The following PCDHGB2 variants were observed in gnomAD, a reference collection of about 807,000 sequenced individuals.
PCDHGB2 encodes the protein protocadherin gamma subfamily B, 2.
A neutral mutation model predicts 59.3 loss-of-function variants in PCDHGB2; 55 were observed. The observed-to-expected ratio is 0.93, with a 90% confidence interval of 0.75 to 1.16. The LOEUF (loss-of-function observed/expected upper bound fraction) is 1.16, where lower values mean the gene tolerates loss of function less well. Among genes scored for constraint, PCDHGB2 ranks in the 50% most tolerant of loss-of-function variants. PCDHGB2 has a pLI of 0.00. For missense variants in PCDHGB2, 1,228 were observed against 1,198.5 expected (o/e 1.02, Z -0.36); for synonymous variants, 516 against 512.0 (o/e 1.01, Z -0.11).
rs1436956912 is a variant in PCDHGB2, at chr5:141,438,609, TATATATATATATATATATATATATATAC to T, written c.2422-56196_2422-56169del. Reference sequence around the variant, plus strand: ...ATACATACATATATATATATATATATATATATATATATATATATATATATATACACACACACACACACATATATGTATA... The same window carrying T: ...ATACATACATATATATATATATATATACACACACACACACATATATGTATA... On this transcript the variant is annotated intron_variant, in intron 1 of 3. Coordinates refer to ENST00000522605, the MANE Select transcript of PCDHGB2 (RefSeq NM_018923.3). Among the ~76,000 whole-genome samples the T allele has an allele frequency of 2.2e-3, 92 of 41,082 alleles. 2 individuals are homozygous for T. Among genetic ancestry groups the T allele is most frequent in the East Asian group, 7.4e-3 (6 of 810 alleles). The allele number at this position is 41,082 out of a possible 152,430, so 27.0% of individuals were successfully genotyped here.
chr5:141,383,761 C>G (rs923900490), intron 1 of PCDHGB2: 15 of 1,613,834 alleles, frequency 9.3e-6, no homozygotes, highest in Non-Finnish European at 1.1e-5. Flanking sequence ...AACTCCTAAA[C>G]TTCCAAAGAT....
intron 1 of PCDHGB2, among the ~76,000 whole-genome samples, chr5:141,363,376 T>C (rs1762901403): frequency 6.6e-6 from 1 of 152,228 alleles, no homozygotes; most frequent in Admixed American, 6.5e-5. Context: ...TCAAGAGGTT[T>C]TTCTATTTCT....
In PCDHGB2 at chr5:141,486,030, C is replaced by T. The variant is rs2099623234; in HGVS notation, c.2422-8777C>T. 2 of 1,614,046 alleles carry T rather than the reference C, an allele frequency of 1.2e-6. No homozygotes were observed. Among genetic ancestry groups the T allele is most frequent in the African/African-American group, 1.3e-5 (1 of 74,918 alleles). On this transcript the variant is annotated intron_variant, in intron 1 of 3. Coordinates refer to ENST00000522605, the MANE Select transcript of PCDHGB2 (RefSeq NM_018923.3). This position sits in a 1 kb window ranked among gnomAD's most constrained non-coding sequence, Gnocchi z 5.0. ...ACCTTTTATTTCAGTGGTCATACCC[C>T]TGATCGTGTAAGAAACCTCTTTAGC...
At chr5:141,371,684 A>T (rs756152313) in intron 1 of PCDHGB2, 3 of 1,614,050 alleles carry the variant, frequency 1.9e-6, no homozygotes, top group Non-Finnish European at 1.7e-6. Flanking sequence ...AAGGCAATCC[A>T]CCGCTCTCCT....
chr5:141,409,338 A>C, intron 1 of PCDHGB2: 5 of 1,614,002 alleles, frequency 3.1e-6, no homozygotes, highest in Non-Finnish European at 4.2e-6. Flanking sequence ...TTCGGAGGAA[A>C]TGGAGAAGTC....
chr5:141,423,327 A>C, intron 1 of PCDHGB2: 1 of 1,614,100 alleles, frequency 6.2e-7, no homozygotes, highest in Non-Finnish European at 8.5e-7. Context: ...CGGTGGCCGC[A>C]GTCTCCTGCA....
chr5:141,411,028 T>C (rs2095458130), intron 1 of PCDHGB2: 1 of 163,058 alleles, frequency 6.1e-6, no homozygotes, highest in Admixed American at 6.2e-5. Flanking sequence ...TTTTTTGTAT[T>C]TTTAGTAGAC....
At chr5:141,378,354 C>T (rs994186879) in intron 1 of PCDHGB2, 5 of 152,210 alleles carry the variant, frequency 3.3e-5, no homozygotes, top group African/African-American at 1.2e-4. Flanking sequence ...GAAACCCCGT[C>T]TCTACTAAAA....
intron 1 of PCDHGB2, chr5:141,372,068 T>C (rs770870533): frequency 3.1e-6 from 5 of 1,613,630 alleles, no homozygotes; most frequent in Non-Finnish European, 1.7e-6. Flanking sequence ...GCAACGACAA[T>C]GCACCGCTGG....
At chr5:141,389,754 G>A (rs370987485) in intron 1 of PCDHGB2, 3 of 1,612,772 alleles carry the variant, frequency 1.9e-6, no homozygotes, top group South Asian at 2.2e-5. Context: ...CACGGGCGAA[G>A]TGCGCACAGC....
intron 1 of PCDHGB2, among the ~76,000 whole-genome samples, chr5:141,439,431 G>A (rs2154558488): frequency 6.6e-6 from 1 of 152,298 alleles, no homozygotes; most frequent in Non-Finnish European, 1.5e-5. Flanking sequence ...AAATTCCCAG[G>A]AATATTTTAT....
chr5:141,474,516 T>G (rs999585038), intron 1 of PCDHGB2, among the ~76,000 whole-genome samples: 1 of 152,240 alleles, frequency 6.6e-6, no homozygotes, highest in Non-Finnish European at 1.5e-5. Context: ...GCCCTCTTGC[T>G]GGTCTGGCTA....
At chr5:141,370,767 G>T (rs749108869) in intron 1 of PCDHGB2, 12 of 1,613,966 alleles carry the variant, frequency 7.4e-6, no homozygotes, top group Non-Finnish European at 1.0e-5. Context: ...GCTGATCCAG[G>T]ATATTAACGA....
Position 141,432,668 on chromosome 5 carries a change from G to C in PCDHGB2, c.2422-62139G>C, listed in dbSNP as rs1202414814. 2.5e-6 allele frequency: 4 copies of C among 1,613,742 alleles called. No individual in the cohort carries two copies. The highest frequency in any genetic ancestry group is 2.2e-5 in the South Asian group (2 of 91,068). On this transcript the variant is annotated intron_variant, in intron 1 of 3. Coordinates refer to ENST00000522605, the MANE Select transcript of PCDHGB2 (RefSeq NM_018923.3). This position sits in a 1 kb window ranked among gnomAD's most constrained non-coding sequence, Gnocchi z 6.0. The stretch of plus-strand genomic sequence containing the variant: ...GGCGCGAGCCCTGCTGGACAGAGAC[G>C]CGCTCAAGCAGAGCCTCGTAGTGGC...
intron 1 of PCDHGB2, chr5:141,366,740 C>T (rs541987209): frequency 1.9e-5 from 30 of 1,611,948 alleles, no homozygotes; most frequent in Non-Finnish European, 2.3e-5. Context: ...CAAAGAAGAA[C>T]GGCGAGTTCA....
chr5:141,455,130 A>T (rs1446894125), intron 1 of PCDHGB2, among the ~76,000 whole-genome samples: 2 of 150,970 alleles, frequency 1.3e-5, no homozygotes, highest in African/African-American at 4.8e-5. Flanking sequence ...GTTTTAAATT[A>T]CACTGTGTTA....
intron 1 of PCDHGB2, chr5:141,404,996 G>C (rs776423830): frequency 6.2e-7 from 1 of 1,613,974 alleles, no homozygotes; most frequent in South Asian, 1.1e-5. Context: ...TCAGATCCCT[G>C]CAGACCTGGA....
At chr5:141,385,023 C>T in intron 1 of PCDHGB2, 1 of 1,614,170 alleles carries the variant, frequency 6.2e-7, no homozygotes, top group East Asian at 2.2e-5. Flanking sequence ...TAGCCTTCGT[C>T]CTCGTACTGC....
Position 141,438,591 on chromosome 5 carries a change from C to CAT in PCDHGB2, c.2422-56172_2422-56171dup, listed in dbSNP as rs946798767. On this transcript the variant is annotated intron_variant, in intron 1 of 3. Coordinates refer to ENST00000522605, the MANE Select transcript of PCDHGB2 (RefSeq NM_018923.3). ...TCTGATATACATACATACATACATA[C>CAT]ATATATATATATATATATATATATA... Among the ~76,000 whole-genome samples the CAT allele has an allele frequency of 6.3e-3, 476 of 75,268 alleles. 1 individual carries two copies. The highest frequency in any genetic ancestry group is 9.5e-3 in the Non-Finnish European group (352 of 37,106). 49.4% of individuals were successfully genotyped at this position (75,268 alleles called of 152,430 possible). A position where few individuals can be genotyped will look rare whatever the true frequency, so the allele number is the denominator to read the frequency against.
Sources: allele counts gnomAD v4.1 joint callset (sites outside exome capture counted in the v4.1 genomes callset), GRCh38; gene constraint gnomAD v4.1.1; non-coding constraint Gnocchi (gnomAD v3.1); transcripts MANE v1.5; gene names NCBI Gene and HGNC (gene_info 2026-07-23, HGNC 2026-07-21).